The following MACROD2 variants were observed in gnomAD, a reference collection of about 807,000 sequenced individuals.
The protein encoded by MACROD2 is ADP-ribose glycohydrolase MACROD2.
Under a neutral mutation model 70.4 loss-of-function variants are expected in MACROD2, and 36 were observed. The ratio of observed to expected loss-of-function variants is 0.51; its 90% CI spans 0.39 to 0.68. MACROD2 has a LOEUF of 0.68. Ranked by LOEUF, MACROD2 falls within the 30% of genes least tolerant of loss-of-function variation. The pLI is 0.00. For missense variants in MACROD2, 496 were observed against 538.4 expected, an observed-to-expected ratio of 0.92 and a Z score of 0.78; for synonymous variants, 172 against 178.8, an observed-to-expected ratio of 0.96 and a Z score of 0.30.
intron 3 of MACROD2, among the ~76,000 whole-genome samples, chr20:14,401,886 T>C (rs2083641660): frequency 6.6e-6 from 1 of 152,174 alleles, no homozygotes; most frequent in Admixed American, 6.5e-5. Flanking sequence ...AGAGGGTGTG[T>C]CAGTACTGTT....
intron 5 of MACROD2, among the ~76,000 whole-genome samples, chr20:14,786,204 T>C (rs28362115): frequency 7.4e-6 from 1 of 135,430 alleles, no homozygotes; most frequent in South Asian, 2.5e-4. Context: ...CAGAGAAAGA[T>C]AGAGAGAGAG....
chr20:14,626,118 C>A (rs1018626572), intron 4 of MACROD2, among the ~76,000 whole-genome samples: 38 of 152,294 alleles, frequency 2.5e-4, no homozygotes, highest in African/African-American at 8.4e-4. Flanking sequence ...GCCACTGTAC[C>A]TGACCAAGTT....
chr20:14,136,522 A>G (rs2054800022), intron 3 of MACROD2, among the ~76,000 whole-genome samples: 1 of 152,156 alleles, frequency 6.6e-6, no homozygotes, highest in South Asian at 2.1e-4. Context: ...CTGTTAATGT[A>G]AGGCAGCGGT....
intron 5 of MACROD2, among the ~76,000 whole-genome samples, chr20:15,218,797 G>A (rs1381714047): frequency 6.6e-6 from 1 of 152,322 alleles, no homozygotes; most frequent in East Asian, 1.9e-4. Context: ...AAAAATCCCA[G>A]CACTTTGGGA....
intron 8 of MACROD2, among the ~76,000 whole-genome samples, chr20:15,559,070 T>C (rs2048206119): frequency 1.3e-5 from 2 of 151,626 alleles, no homozygotes; most frequent in South Asian, 4.2e-4. Context: ...CTACTAAAAA[T>C]ACAAAAATTA....
intron 3 of MACROD2, among the ~76,000 whole-genome samples, chr20:14,439,175 G>C (rs547621819): frequency 6.6e-6 from 1 of 152,090 alleles, no homozygotes; most frequent in Admixed American, 6.6e-5. Context: ...TCCTCTTTGC[G>C]TCCAGTTGGT....
chr20:15,032,537 C>A (rs1256288197), intron 5 of MACROD2, among the ~76,000 whole-genome samples: 1 of 152,150 alleles, frequency 6.6e-6, no homozygotes, highest in African/African-American at 2.4e-5. Context: ...CACACTTCAC[C>A]CTGAACTATC....
intron 16 of MACROD2, among the ~76,000 whole-genome samples, chr20:16,043,450 C>A (rs12625514): frequency 6.6e-6 from 1 of 151,892 alleles, no homozygotes; most frequent in Non-Finnish European, 1.5e-5. Context: ...TATTTGTATA[C>A]TGATTTTCTC....
intron 2 of MACROD2, among the ~76,000 whole-genome samples, chr20:14,008,203 G>A (rs2052849076): frequency 6.6e-6 from 1 of 152,162 alleles, no homozygotes; most frequent in East Asian, 1.9e-4. Flanking sequence ...TAGATGACAT[G>A]ATCCTACACG....
chr20:15,978,328 C>T (rs1601255829), intron 13 of MACROD2, among the ~76,000 whole-genome samples: 2 of 152,294 alleles, frequency 1.3e-5, no homozygotes, highest in Middle Eastern at 3.4e-3. Flanking sequence ...ACAGCAAGGT[C>T]GCCAGACTTG....
intron 5 of MACROD2, among the ~76,000 whole-genome samples, chr20:14,772,340 G>T (rs1168733051): frequency 1.3e-5 from 2 of 152,106 alleles, no homozygotes; most frequent in Admixed American, 6.6e-5. Flanking sequence ...TCACACAGCT[G>T]ATAAAGACAT....
chr20:14,718,274 CAG>C (rs1185615808), intron 5 of MACROD2, among the ~76,000 whole-genome samples: 8 of 103,906 alleles, frequency 7.7e-5, no homozygotes, highest in Non-Finnish European at 1.4e-4. Flanking sequence ...GCCTGGGCGA[CAG>C]AGAGAGACTC....
In MACROD2 at chr20:15,398,505, G is replaced by A. The variant is rs139077579; in HGVS notation, c.541-32900G>A. ...GGTGTTAGTGGTAGTGGTGGTGAAG[G>A]AAGAAGATACTGCTCATCTCTCCTG... is the stretch of plus-strand genomic sequence containing the variant. On this transcript the variant is annotated intron_variant, in intron 6 of 17. Coordinates refer to ENST00000684519, the MANE Select transcript of MACROD2 (RefSeq NM_001351661.2). 1.9e-3 allele frequency among the ~76,000 whole-genome samples: 286 copies of A among 152,242 alleles called. 4 individuals carry two copies. The highest frequency in any genetic ancestry group is 2.7e-3 in the Non-Finnish European group (185 of 68,014).
intron 8 of MACROD2, among the ~76,000 whole-genome samples, chr20:15,690,224 A>G (rs530904700): frequency 6.6e-6 from 1 of 152,348 alleles, no homozygotes; most frequent in East Asian, 1.9e-4. Flanking sequence ...GCTCTAGGAT[A>G]TTGACAATTA....
Position 14,775,237 on chromosome 20 carries a change from T to C in MACROD2, c.418+90278T>C, listed in dbSNP as rs1386417696. Among the ~76,000 whole-genome samples, 4 of 152,144 alleles carry C rather than the reference T, an allele frequency of 2.6e-5. No homozygotes were observed. In the East Asian group the frequency reaches 7.7e-4, roughly 29 times the overall value. On this transcript the variant is annotated intron_variant, in intron 5 of 17. Transcript: ENST00000684519. ...GAAGGTATTGTACACATTTATTAGC[T>C]AACGCGGTGGGCTTAGCAAGTGGCT...
intron 3 of MACROD2, among the ~76,000 whole-genome samples, chr20:14,361,223 A>G (rs2083218789): frequency 6.6e-6 from 1 of 152,184 alleles, no homozygotes; most frequent in South Asian, 2.1e-4. Context: ...TCCAGGAGGT[A>G]GTATTTGCCA....
intron 2 of MACROD2, among the ~76,000 whole-genome samples, chr20:14,081,381 A>G (rs986408433): frequency 6.6e-6 from 1 of 152,150 alleles, no homozygotes; most frequent in Non-Finnish European, 1.5e-5. Context: ...TAGTTTCTGA[A>G]TAAAATCTGT....
chr20:15,654,545 A>G (rs1322668766), intron 8 of MACROD2, among the ~76,000 whole-genome samples: 3 of 152,158 alleles, frequency 2.0e-5, no homozygotes, highest in Non-Finnish European at 4.4e-5. Context: ...GCACCCCTCC[A>G]CTTGAAGTGA....
chr20:15,558,912 TCTGA>T (rs1294163501), intron 8 of MACROD2, among the ~76,000 whole-genome samples: 3 of 152,172 alleles, frequency 2.0e-5, no homozygotes, highest in Non-Finnish European at 2.9e-5. Flanking sequence ...ATTGCAAAAC[TCTGA>T]CTGAACCATT....
Sources: gnomAD v4.1 joint callset for allele counts (sites outside exome capture counted in the v4.1 genomes callset) on GRCh38, gnomAD v4.1.1 for gene constraint, MANE v1.5 for transcripts, NCBI Gene and HGNC (gene_info 2026-07-23, HGNC 2026-07-21) for gene names.